The following ZFPM2 variants were observed in gnomAD, a reference collection of about 807,000 sequenced individuals.
ZFPM2 encodes zinc finger protein ZFPM2.
A neutral mutation model predicts 98.6 loss-of-function variants in ZFPM2; 20 were observed. That is an observed-to-expected ratio of 0.20 (90% confidence interval 0.14 to 0.29). The LOEUF is 0.29. Among genes scored for constraint, ZFPM2 ranks in the 10% least tolerant of loss-of-function variants. The pLI, the probability that ZFPM2 is intolerant of heterozygous loss-of-function variation, is 1.00. For synonymous variants in ZFPM2, 518 were observed against 502.7 expected, an observed-to-expected ratio of 1.03 and a Z score of -0.41; for missense variants, 1,310 against 1,388.6, an observed-to-expected ratio of 0.94 and a Z score of 0.90.
chr8:105,470,511 A>G (rs1216477707), intron 3 of ZFPM2, among the ~76,000 whole-genome samples: 5 of 152,162 alleles, frequency 3.3e-5, no homozygotes, highest in Admixed American at 3.3e-4. Context: ...TAATAAATGT[A>G]AAGAGTTTTT....
chr8:105,617,474 G>A (rs903644422), intron 4 of ZFPM2, among the ~76,000 whole-genome samples: 8 of 152,104 alleles, frequency 5.3e-5, no homozygotes, highest in Non-Finnish European at 7.4e-5. Flanking sequence ...CCATCAGTGC[G>A]CCTAGATTTG....
At chr8:105,346,506 A>G (rs1169113956) in intron 1 of ZFPM2, among the ~76,000 whole-genome samples, 2 of 152,232 alleles carry the variant, frequency 1.3e-5, no homozygotes, top group Non-Finnish European at 2.9e-5. Context: ...TCCTTCATTC[A>G]GAAGATTTCC....
chr8:105,409,509 C>T (rs1038508104), intron 1 of ZFPM2, among the ~76,000 whole-genome samples: 4 of 151,820 alleles, frequency 2.6e-5, no homozygotes, highest in African/African-American at 9.7e-5. Context: ...ACCTAACCTG[C>T]CACTTATCAG....
intron 3 of ZFPM2, among the ~76,000 whole-genome samples, chr8:105,511,164 T>C (rs2130507792): frequency 6.6e-6 from 1 of 152,344 alleles, no homozygotes; most frequent in South Asian, 2.1e-4. Context: ...AAGTCTCTAT[T>C]GTTGATGCTC....
chr8:105,530,016 T>C (rs995776958), intron 3 of ZFPM2, among the ~76,000 whole-genome samples: 2 of 152,174 alleles, frequency 1.3e-5, no homozygotes, highest in African/African-American at 4.8e-5. Flanking sequence ...TTCATATACC[T>C]ATGAATATAC....
intron 3 of ZFPM2, among the ~76,000 whole-genome samples, chr8:105,524,968 A>G (rs1008377868): frequency 4.1e-4 from 63 of 151,816 alleles, no homozygotes; most frequent in African/African-American, 1.4e-3. Context: ...GGCACAAGGG[A>G]AAAAAAAAGT....
intron 5 of ZFPM2, among the ~76,000 whole-genome samples, chr8:105,775,339 T>G (rs1813079447): frequency 6.6e-6 from 1 of 151,996 alleles, no homozygotes; most frequent in Non-Finnish European, 1.5e-5. Context: ...TCCACCTAAT[T>G]TCAGTGCATT....
chr8:105,510,305 A>G (rs551153366), intron 3 of ZFPM2, among the ~76,000 whole-genome samples: 7 of 152,304 alleles, frequency 4.6e-5, no homozygotes, highest in South Asian at 2.1e-4. Context: ...TAAAAAATCC[A>G]AGAAAAGCAA....
chr8:105,573,598 G>A (rs1815402473), intron 4 of ZFPM2, among the ~76,000 whole-genome samples: 1 of 152,030 alleles, frequency 6.6e-6, no homozygotes, highest in Admixed American at 6.6e-5. Flanking sequence ...AAATATTTAT[G>A]GTTTCTCACA....
chr8:105,548,847 C>G (rs1814775360), intron 3 of ZFPM2, among the ~76,000 whole-genome samples: 1 of 152,050 alleles, frequency 6.6e-6, no homozygotes, highest in Admixed American at 6.6e-5. Flanking sequence ...AGGAAAAAGT[C>G]CACATTAGAT....
intron 5 of ZFPM2, among the ~76,000 whole-genome samples, chr8:105,741,734 GAACCA>G (rs386728529): frequency 0.014 from 2,113 of 152,150 alleles, 53 homozygotes; most frequent in African/African-American, 0.047. Flanking sequence ...AAACAATACT[GAACCA>G]TTTACTGTTA....
chr8:105,697,443 A>G (rs942386333), intron 5 of ZFPM2, among the ~76,000 whole-genome samples: 6 of 152,188 alleles, frequency 3.9e-5, no homozygotes, highest in African/African-American at 1.4e-4. Flanking sequence ...AAGACAGCTT[A>G]TTAAAGGATT....
chr8:105,763,744 TA>T (rs1812788488), intron 5 of ZFPM2, among the ~76,000 whole-genome samples: 1 of 151,892 alleles, frequency 6.6e-6, no homozygotes, highest in Admixed American at 6.6e-5. Flanking sequence ...GTCTGATTTT[TA>T]AAAGGCCACT....
At chr8:105,689,455 G>A (rs978298657) in intron 5 of ZFPM2, among the ~76,000 whole-genome samples, 1 of 152,098 alleles carries the variant, frequency 6.6e-6, no homozygotes, top group Non-Finnish European at 1.5e-5. Flanking sequence ...AAGCATTTCT[G>A]CTGATACACA....
In ZFPM2 at chr8:105,377,607, C is replaced by CAAAAAA. The variant is rs36124912; in HGVS notation, c.41-41516_41-41511dup. On this transcript the variant is annotated intron_variant, in intron 1 of 7. Coordinates refer to ENST00000407775, the MANE Select transcript of ZFPM2 (RefSeq NM_012082.4). ...CAAAACCCCGTTTTTCTTAAAAATC[C>CAAAAAA]AAAAAAAAAAAAAAAAAAAAAAAAA... is the stretch of plus-strand genomic sequence containing the variant. Among the ~76,000 whole-genome samples the CAAAAAA allele has an allele frequency of 1.2e-3, 79 of 63,876 alleles. 39 individuals carry two copies. Among genetic ancestry groups the CAAAAAA allele is most frequent in the African/African-American group, 2.6e-3 (43 of 16,590 alleles). 41.9% of individuals were successfully genotyped at this position (63,876 alleles called of 152,430 possible).
At chr8:105,789,006 A>G (rs907638053) in intron 6 of ZFPM2, 82 bp downstream of exon 6, 6 of 1,150,180 alleles carry the variant, frequency 5.2e-6, no homozygotes, top group African/African-American at 1.5e-5. Context: ...ACAAGAAACC[A>G]GGAACAGACC....
intron 5 of ZFPM2, among the ~76,000 whole-genome samples, chr8:105,688,996 A>G (rs1472979171): frequency 6.6e-6 from 1 of 152,128 alleles, no homozygotes; most frequent in Non-Finnish European, 1.5e-5. Context: ...CACCTTCTAC[A>G]CTGACCTTTC....
chr8:105,536,810 GA>G (rs1415884414), intron 3 of ZFPM2, among the ~76,000 whole-genome samples: 1 of 152,144 alleles, frequency 6.6e-6, no homozygotes, highest in East Asian at 1.9e-4. Flanking sequence ...ACCTGTAGGA[GA>G]GTTCTGGAAT....
chr8:105,728,330 C>T (rs575040919), intron 5 of ZFPM2, among the ~76,000 whole-genome samples: 3 of 151,570 alleles, frequency 2.0e-5, no homozygotes, highest in South Asian at 2.1e-4. Flanking sequence ...CAAGCGACTC[C>T]GAAAATCTCA....
Sources: gnomAD v4.1 joint callset for allele counts (sites outside exome capture counted in the v4.1 genomes callset) on GRCh38, gnomAD v4.1.1 for gene constraint, MANE v1.5 for transcripts, NCBI Gene and HGNC (gene_info 2026-07-23, HGNC 2026-07-21) for gene names.